SLC24A3: variants seen among roughly 807,000 people sequenced by gnomAD.
The protein encoded by SLC24A3 is sodium/potassium/calcium exchanger 3.
In SLC24A3, 28 loss-of-function variants were observed where a neutral mutation model predicts 75.8. That is an observed-to-expected ratio of 0.37 (90% confidence interval 0.27 to 0.51). The LOEUF (loss-of-function observed/expected upper bound fraction) is 0.51, where lower values mean the gene tolerates loss of function less well. Ranked by LOEUF, SLC24A3 falls within the 20% of genes least tolerant of loss-of-function variation. The probability of loss-of-function intolerance (pLI) is 0.94; values close to 1 mark genes in which losing one functional copy is unlikely to be tolerated. For synonymous variants in SLC24A3, 372 were observed against 334.1 expected, an observed-to-expected ratio of 1.11 and a Z score of -1.24; for missense variants, 663 against 847.8, an observed-to-expected ratio of 0.78 and a Z score of 2.71.
At chr20:19,309,067 C>T (rs1483271779) in intron 2 of SLC24A3, among the ~76,000 whole-genome samples, 1 of 152,084 alleles carries the variant, frequency 6.6e-6, no homozygotes, top group African/African-American at 2.4e-5. Context: ...TAATTCAGAC[C>T]AGGGCCTCCT....
intron 1 of SLC24A3, among the ~76,000 whole-genome samples, chr20:19,230,310 T>C (rs951442081): frequency 1.3e-5 from 2 of 152,152 alleles, no homozygotes; most frequent in Non-Finnish European, 2.9e-5. Context: ...GTGTTGATGT[T>C]GACTTTTCTA....
At chr20:19,279,141 TG>T (rs1321484620) in intron 1 of SLC24A3, among the ~76,000 whole-genome samples, 15 of 152,232 alleles carry the variant, frequency 9.9e-5, no homozygotes, top group African/African-American at 2.4e-4. Context: ...TTTGGGAAAC[TG>T]AATCACTGTG....
At chr20:19,521,251 A>G (rs978351954) in intron 3 of SLC24A3, among the ~76,000 whole-genome samples, 2 of 152,068 alleles carry the variant, frequency 1.3e-5, no homozygotes, top group Non-Finnish European at 2.9e-5. Flanking sequence ...CTGCTTCTTC[A>G]GTACCTCCCG....
At chr20:19,694,553 A>G (rs1048979781) in intron 13 of SLC24A3, 2 of 152,040 alleles carry the variant, frequency 1.3e-5, no homozygotes, top group Non-Finnish European at 1.5e-5. Context: ...TCCTGCATTC[A>G]CTAATGTTTT....
intron 2 of SLC24A3, among the ~76,000 whole-genome samples, chr20:19,485,924 G>A (rs1461336663): frequency 6.6e-6 from 1 of 152,208 alleles, no homozygotes; most frequent in African/African-American, 2.4e-5. Context: ...CATTTCTGGG[G>A]TTAGCCCAGG....
At chr20:19,258,739 T>C (rs1171439830) in intron 1 of SLC24A3, among the ~76,000 whole-genome samples, 1 of 152,032 alleles carries the variant, frequency 6.6e-6, no homozygotes, top group African/African-American at 2.4e-5. Flanking sequence ...GAGGCAGATA[T>C]AAAAGTGAAC....
chr20:19,644,178 C>T (rs1290771063), intron 6 of SLC24A3, among the ~76,000 whole-genome samples: 1 of 152,278 alleles, frequency 6.6e-6, no homozygotes, highest in Admixed American at 6.5e-5. Flanking sequence ...CCCAAAGGTC[C>T]CAGATGACTC....
chr20:19,404,044 A>C (rs1450941787), intron 2 of SLC24A3, among the ~76,000 whole-genome samples: 1 of 152,206 alleles, frequency 6.6e-6, no homozygotes, highest in Non-Finnish European at 1.5e-5. Context: ...GATAAGAGCA[A>C]GGGGAAATCA....
intron 6 of SLC24A3, among the ~76,000 whole-genome samples, chr20:19,647,752 G>A (rs751743553): frequency 7.9e-5 from 12 of 152,314 alleles, no homozygotes; most frequent in East Asian, 3.9e-4. Flanking sequence ...ATGAGCATCC[G>A]TGGTTATTGT....
In SLC24A3 at chr20:19,527,936, G is replaced by T. The variant is rs113815622; in HGVS notation, c.348+12372G>T. 3.8e-3 allele frequency among the ~76,000 whole-genome samples: 585 copies of T among 152,234 alleles called. 5 individuals are homozygous for T. The highest frequency in any genetic ancestry group is 0.013 in the African/African-American group (554 of 41,524). ...CCAAACATATCACCAACTAAGGGCGGGTGGAGTGAGGTTTGTAAATGTGGC... is the reference window on the plus strand; with the variant it reads ...CCAAACATATCACCAACTAAGGGCGTGTGGAGTGAGGTTTGTAAATGTGGC... On this transcript the variant is annotated intron_variant, in intron 3 of 16. Coordinates refer to ENST00000328041, the MANE Select transcript of SLC24A3 (RefSeq NM_020689.4).
chr20:19,511,328 ATTTT>A (rs11478021), intron 2 of SLC24A3, among the ~76,000 whole-genome samples: 1 of 140,764 alleles, frequency 7.1e-6, no homozygotes, highest in African/African-American at 2.7e-5. Flanking sequence ...GCTTAGCTCA[ATTTT>A]TTTTTTTTTT....
intron 2 of SLC24A3, among the ~76,000 whole-genome samples, chr20:19,397,287 C>T (rs952344092): frequency 1.3e-5 from 2 of 152,132 alleles, no homozygotes; most frequent in African/African-American, 2.4e-5. Context: ...TATTTTTTCT[C>T]CTCTCAAGAT....
Position 19,706,378 on chromosome 20 carries a change from C to T in SLC24A3, c.1719+7698C>T, listed in dbSNP as rs967848511. Among the ~76,000 whole-genome samples, 5 of 152,174 alleles carry T rather than the reference C, an allele frequency of 3.3e-5. No individual in the cohort carries two copies. In the South Asian group the frequency reaches 1.0e-3, roughly 32 times the overall value. On this transcript the variant is annotated intron_variant, in intron 15 of 16. Transcript: ENST00000328041. Reference sequence around the variant, plus strand: ...GTGATGCCTGCTCTCCTAAGGGCTGCCTATACAGAAGTTTAGGTAGTGTGT... The same window carrying T: ...GTGATGCCTGCTCTCCTAAGGGCTGTCTATACAGAAGTTTAGGTAGTGTGT...
intron 2 of SLC24A3, among the ~76,000 whole-genome samples, chr20:19,384,224 A>G (rs1239622639): frequency 6.6e-6 from 1 of 152,214 alleles, no homozygotes; most frequent in African/African-American, 2.4e-5. Flanking sequence ...AATTTCAATT[A>G]TACAATACAG....
At chr20:19,452,465 A>T (rs1045877841) in intron 2 of SLC24A3, among the ~76,000 whole-genome samples, 1 of 147,272 alleles carries the variant, frequency 6.8e-6, no homozygotes, top group Non-Finnish European at 1.5e-5. Flanking sequence ...CCTTAGAGAA[A>T]GGAAGGGAGA....
intron 7 of SLC24A3, among the ~76,000 whole-genome samples, chr20:19,656,570 T>G (rs772824971): frequency 6.6e-6 from 1 of 152,236 alleles, no homozygotes; most frequent in Non-Finnish European, 1.5e-5. Context: ...ACTGACTGTG[T>G]GCACTCTGCT....
intron 3 of SLC24A3, among the ~76,000 whole-genome samples, chr20:19,533,426 C>T (rs1232443436): frequency 2.0e-5 from 3 of 152,322 alleles, no homozygotes; most frequent in Non-Finnish European, 2.9e-5. Context: ...TGCAAGGTCA[C>T]ACTGCAGAAG....
chr20:19,267,138 A>G (rs953801916), intron 1 of SLC24A3, among the ~76,000 whole-genome samples: 5 of 152,200 alleles, frequency 3.3e-5, no homozygotes, highest in Admixed American at 1.3e-4. Flanking sequence ...TAATGTTGTT[A>G]TATTTATGGT....
At chr20:19,312,227 G>C (rs1005053715) in intron 2 of SLC24A3, among the ~76,000 whole-genome samples, 1 of 152,182 alleles carries the variant, frequency 6.6e-6, no homozygotes, top group Non-Finnish European at 1.5e-5. Context: ...TTTCCCTTCA[G>C]TGAAGGGCTT....
Sources: allele counts gnomAD v4.1 joint callset (sites outside exome capture counted in the v4.1 genomes callset), GRCh38; gene constraint gnomAD v4.1.1; transcripts MANE v1.5; gene names NCBI Gene and HGNC (gene_info 2026-07-23, HGNC 2026-07-21).